Variants in WWOX observed in about 807,000 individuals in gnomAD.
The protein encoded by WWOX is WW domain-containing oxidoreductase.
A neutral mutation model predicts 46.2 loss-of-function variants in WWOX; 69 were observed. The observed-to-expected ratio is 1.49, with a 90% confidence interval of 1.23 to 1.82. The LOEUF is 1.82. WWOX is among the 40% of genes most tolerant of loss of function. WWOX has a pLI of 0.00. For synonymous variants in WWOX, 359 were observed against 202.6 expected (o/e 1.77, Z -6.56); for missense variants, 919 against 542.6 (o/e 1.69, Z -6.89).
At chr16:78,683,946 A>T (rs2047793931) in intron 8 of WWOX, among the ~76,000 whole-genome samples, 1 of 152,174 alleles carries the variant, frequency 6.6e-6, no homozygotes, top group Admixed American at 6.5e-5. Context: ...GAAAGGAGGC[A>T]GTTTTGGGTA....
chr16:78,999,635 C>T (rs1282722340), intron 8 of WWOX, among the ~76,000 whole-genome samples: 2 of 152,112 alleles, frequency 1.3e-5, no homozygotes, highest in African/African-American at 2.4e-5. Context: ...TTTTCACTTA[C>T]ATTTTATAGT....
intron 8 of WWOX, among the ~76,000 whole-genome samples, chr16:79,211,185 G>A (rs1299961885): frequency 6.6e-6 from 1 of 152,086 alleles, no homozygotes; most frequent in Non-Finnish European, 1.5e-5. Flanking sequence ...AAGAGTGGTT[G>A]GTTTGTCAGA....
intron 8 of WWOX, among the ~76,000 whole-genome samples, chr16:79,047,091 G>A (rs1454175921): frequency 6.6e-6 from 1 of 152,164 alleles, no homozygotes; most frequent in Non-Finnish European, 1.5e-5. Flanking sequence ...CTTTCAACCA[G>A]CATGCCACCC....
rs1491117295 is a variant in WWOX, at chr16:78,106,419, TTG to T, written c.108-2002_108-2001del. 1.4e-4 allele frequency among the ~76,000 whole-genome samples: 21 copies of T among 146,370 alleles called. 3 individuals are homozygous for T. The highest frequency in any genetic ancestry group is 2.3e-4 in the Non-Finnish European group (15 of 66,270). ...GCCAGAGAGTCAGAACGGTTTTTTT[TTG>T]TTTTTTTTTTTTTTTTTTGAGATGG... On this transcript the variant is annotated intron_variant, in intron 1 of 8. Coordinates refer to ENST00000566780, the MANE Select transcript of WWOX (RefSeq NM_016373.4).
chr16:78,265,532 G>T lies in WWOX; in HGVS notation c.516+101243G>T, dbSNP rs1368833871. ...CGTCTCTACTAAAAATACAAAATTA[G>T]CCGGGCATGGTGGTGCATGCCTGTA... On this transcript the variant is annotated intron_variant, in intron 5 of 8. Transcript: ENST00000566780. Among the ~76,000 whole-genome samples, 3 of 152,068 alleles carry T rather than the reference G, an allele frequency of 2.0e-5. No individual in the cohort carries two copies. In the East Asian group the frequency reaches 5.9e-4, roughly 30 times the overall value.
At chr16:78,629,234 A>T (rs376983220) in intron 8 of WWOX, among the ~76,000 whole-genome samples, 4 of 148,490 alleles carry the variant, frequency 2.7e-5, no homozygotes, top group African/African-American at 2.5e-5. Flanking sequence ...TCTCTTGGGT[A>T]TTTTATTTTT....
chr16:78,805,906 G>C (rs1124808), intron 8 of WWOX, among the ~76,000 whole-genome samples: 39,433 of 151,986 alleles, frequency 0.26, 6,090 homozygotes, highest in Middle Eastern at 0.41. Context: ...AGCATGCCAG[G>C]AACATTTTTC....
chr16:78,823,211 G>C (rs1441742199), intron 8 of WWOX, among the ~76,000 whole-genome samples: 1 of 152,230 alleles, frequency 6.6e-6, no homozygotes, highest in African/African-American at 2.4e-5. Flanking sequence ...ACAGGGTCAG[G>C]CCTTGGATGG....
intron 8 of WWOX, among the ~76,000 whole-genome samples, chr16:79,139,324 G>A (rs1178432158): frequency 6.6e-6 from 1 of 152,220 alleles, no homozygotes; most frequent in Non-Finnish European, 1.5e-5. Flanking sequence ...GAAGCAAAGT[G>A]TTGGTGCCCC....
chr16:78,663,132 C>G (rs148251518), intron 8 of WWOX, among the ~76,000 whole-genome samples: 1 of 151,866 alleles, frequency 6.6e-6, no homozygotes, highest in Admixed American at 6.6e-5. Flanking sequence ...TAAAAGAAAC[C>G]CTGTACCCTT....
chr16:79,072,858 T>C (rs183780529), intron 8 of WWOX, among the ~76,000 whole-genome samples: 2 of 152,306 alleles, frequency 1.3e-5, no homozygotes, highest in South Asian at 2.1e-4. Context: ...CCAGAATGTG[T>C]GTAGCTGTTT....
intron 8 of WWOX, among the ~76,000 whole-genome samples, chr16:78,712,570 T>A (rs928958781): frequency 1.3e-5 from 2 of 152,072 alleles, no homozygotes; most frequent in African/African-American, 4.8e-5. Flanking sequence ...GATTGTGTGA[T>A]GCTCATTTTG....
intron 8 of WWOX, chr16:78,756,938 A>C (rs538472251): frequency 1.4e-6 from 1 of 703,022 alleles, no homozygotes; most frequent in South Asian, 1.5e-5. Flanking sequence ...CATTCACTCT[A>C]GGAAAAGCCA....
At position 78,198,976 on chromosome 16, in the gene WWOX, C is replaced by T. The variant is rs145648055; in HGVS notation, c.516+34687C>T. 1.9e-3 allele frequency among the ~76,000 whole-genome samples: 285 copies of T among 152,148 alleles called. 1 individual carries two copies. Among genetic ancestry groups the T allele is most frequent in the East Asian group, 7.0e-3 (36 of 5,160 alleles). On this transcript the variant is annotated intron_variant, in intron 5 of 8. Transcript: ENST00000566780. ...CTACCTCTTCTTTTCCCCTTTCACC[C>T]GTAACTTCTGCTACTTATACTTCTG...
intron 6 of WWOX, among the ~76,000 whole-genome samples, chr16:78,422,690 C>CACACACACACATATATATAT (rs2082965451): frequency 4.8e-5 from 1 of 20,726 alleles, no homozygotes; most frequent in Non-Finnish European, 1.3e-4. Context: ...TATATACACA[C>CACACACACACATATATATAT]ACACACACAC....
intron 8 of WWOX, among the ~76,000 whole-genome samples, chr16:78,919,559 G>C (rs1430570677): frequency 1.3e-4 from 16 of 124,152 alleles, no homozygotes; most frequent in South Asian, 2.6e-4. Context: ...TGCTCTGTCT[G>C]CCAGATGGAG....
At chr16:78,153,829 A>G (rs922143231) in intron 4 of WWOX, among the ~76,000 whole-genome samples, 1 of 152,218 alleles carries the variant, frequency 6.6e-6, no homozygotes, top group Non-Finnish European at 1.5e-5. Flanking sequence ...CATCCACAAT[A>G]TGGAGAAAAT....
At chr16:78,602,111 G>A (rs975946255) in intron 8 of WWOX, among the ~76,000 whole-genome samples, 2 of 152,158 alleles carry the variant, frequency 1.3e-5, no homozygotes, top group African/African-American at 2.4e-5. Context: ...CTTATTACAC[G>A]CTTTTGAACT....
chr16:78,328,602 G>A (rs1176828550), intron 5 of WWOX, among the ~76,000 whole-genome samples: 1 of 152,140 alleles, frequency 6.6e-6, no homozygotes, highest in Admixed American at 6.5e-5. Flanking sequence ...AGATAAATAA[G>A]ATCGAATGTG....
Sources: gnomAD v4.1 joint callset for allele counts (sites outside exome capture counted in the v4.1 genomes callset) on GRCh38, gnomAD v4.1.1 for gene constraint, MANE v1.5 for transcripts, NCBI Gene and HGNC (gene_info 2026-07-23, HGNC 2026-07-21) for gene names.